COL19A1: variants seen among roughly 807,000 people sequenced by gnomAD.
COL19A1 encodes the protein collagen alpha-1(XIX) chain.
A neutral mutation model predicts 190.2 loss-of-function variants in COL19A1; 159 were observed. The ratio of observed to expected loss-of-function variants is 0.84; its 90% CI spans 0.73 to 0.95. The LOEUF is 0.95. Among genes scored for constraint, COL19A1 ranks in the 40% least tolerant of loss-of-function variants. The pLI, the probability that COL19A1 is intolerant of heterozygous loss-of-function variation, is 0.00. For synonymous variants in COL19A1, 509 were observed against 458.9 expected (o/e 1.11, Z -1.39); for missense variants, 1,418 against 1,431.9 (o/e 0.99, Z 0.16).
intron 11 of COL19A1, among the ~76,000 whole-genome samples, chr6:70,001,794 G>T (rs1318183759): frequency 6.6e-6 from 1 of 152,026 alleles, no homozygotes; most frequent in South Asian, 2.1e-4. Flanking sequence ...TTCTAAATAT[G>T]AAATCATGTC....
chr6:70,052,227 G>A (rs1780247266), intron 14 of COL19A1, among the ~76,000 whole-genome samples: 2 of 152,046 alleles, frequency 1.3e-5, no homozygotes, highest in Non-Finnish European at 1.5e-5. Flanking sequence ...CCATGTCAAG[G>A]AATAAGAATA....
chr6:70,144,137 T>A, intron 23 of COL19A1, 73 bp from the exon 24 acceptor site: 1 of 1,314,738 alleles, frequency 7.6e-7, no homozygotes, highest in East Asian at 2.3e-5. Flanking sequence ...TTGACAGAGA[T>A]TCACAGATAT....
chr6:70,185,830 T>C (rs1235868695), intron 46 of COL19A1, among the ~76,000 whole-genome samples: 1 of 152,186 alleles, frequency 6.6e-6, no homozygotes, highest in Non-Finnish European at 1.5e-5. Flanking sequence ...CGCTAACTTT[T>C]ATTTATCATT....
chr6:69,885,391 T>C (rs1010028198), intron 2 of COL19A1, among the ~76,000 whole-genome samples: 37 of 152,238 alleles, frequency 2.4e-4, no homozygotes, highest in Non-Finnish European at 5.1e-4. Context: ...ATTTGAGGTC[T>C]ATAGCATATT....
intron 1 of COL19A1, among the ~76,000 whole-genome samples, chr6:69,869,940 T>G (rs1229407693): frequency 2.6e-5 from 4 of 152,206 alleles, no homozygotes; most frequent in Non-Finnish European, 5.9e-5. Flanking sequence ...GTACAAACAT[T>G]AGGAACTAGG....
intron 13 of COL19A1, among the ~76,000 whole-genome samples, chr6:70,034,973 G>T (rs1040451593): frequency 1.3e-5 from 2 of 152,200 alleles, no homozygotes; most frequent in Admixed American, 1.3e-4. Context: ...AGCCACTTCA[G>T]TGTTCCCTTA....
intron 11 of COL19A1, among the ~76,000 whole-genome samples, chr6:70,006,500 A>T (rs1777635233): frequency 6.6e-6 from 1 of 152,102 alleles, no homozygotes; most frequent in Non-Finnish European, 1.5e-5. Flanking sequence ...GAGAATCTGG[A>T]TACCTTGGTT....
chr6:70,207,009 C>T (rs1767914458), intron 50 of COL19A1, 31 bp downstream of exon 50: 1 of 1,608,940 alleles, frequency 6.2e-7, no homozygotes, highest in Admixed American at 1.7e-5. Flanking sequence ...ACAACACAAG[C>T]AAGCCTTTAC....
chr6:69,910,771 A>C (rs1770859275), intron 4 of COL19A1, among the ~76,000 whole-genome samples: 1 of 152,154 alleles, frequency 6.6e-6, no homozygotes, highest in African/African-American at 2.4e-5. Flanking sequence ...GGTTGTGTGA[A>C]TGTATCTGTG....
intron 14 of COL19A1, among the ~76,000 whole-genome samples, chr6:70,040,616 C>T (rs955143213): frequency 7.2e-5 from 11 of 152,020 alleles, no homozygotes; most frequent in Admixed American, 4.6e-4. Flanking sequence ...CCTTTGATAA[C>T]GTTTGAATCC....
At chr6:69,986,172 G>A (rs1670116952) in intron 11 of COL19A1, among the ~76,000 whole-genome samples, 1 of 149,408 alleles carries the variant, frequency 6.7e-6, no homozygotes, top group Non-Finnish European at 1.5e-5. Flanking sequence ...ATAGAAAAGT[G>A]TCAATTAAAA....
At chr6:69,881,908 A>G (rs573419053) in intron 2 of COL19A1, among the ~76,000 whole-genome samples, 1 of 152,310 alleles carries the variant, frequency 6.6e-6, no homozygotes, top group South Asian at 2.1e-4. Context: ...CATGGCCTGG[A>G]AGGAGACCCT....
intron 16 of COL19A1, among the ~76,000 whole-genome samples, chr6:70,121,170 GT>G (rs937730380): frequency 4.4e-4 from 67 of 152,132 alleles, no homozygotes; most frequent in African/African-American, 1.5e-3. Flanking sequence ...TAATCTTTGT[GT>G]TTTTTTATGG....
chr6:70,208,827 A>C lies in COL19A1; in HGVS notation c.*1553A>C, dbSNP rs1242142012. 2 of 152,618 alleles carry C rather than the reference A, an allele frequency of 1.3e-5. No individual in the cohort carries two copies. Among genetic ancestry groups the C allele is most frequent in the African/African-American group, 4.8e-5 (2 of 41,452 alleles). The allele number at this position is 152,618 out of a possible 1,614,324, so 9.5% of individuals were successfully genotyped here. ...AGAGTTGTGTCTGAGGAATGTGCCT[A>C]ATTTAAGGCAGGGTTTGTTCCAATG... is the stretch of plus-strand genomic sequence containing the variant. On this transcript the variant is annotated 3_prime_UTR_variant, in exon 51 of 51. Transcript: ENST00000620364.
chr6:70,150,833 A>G (rs3806040), intron 30 of COL19A1, among the ~76,000 whole-genome samples: 26,110 of 152,104 alleles, frequency 0.17, 2,882 homozygotes, highest in African/African-American at 0.29. Flanking sequence ...CAAAAATGTT[A>G]CTTGGGTTTA....
At position 70,209,387 on chromosome 6, in the gene COL19A1, CT is replaced by C. The variant is rs1217529400; in HGVS notation, c.*2119del. On this transcript the variant is annotated 3_prime_UTR_variant, in exon 51 of 51. Transcript: ENST00000620364. Reference sequence around the variant, plus strand: ...TTTATCATTTTAATGTTTTCATGGACTTTTTTGCTGATGGTAATCAACTTTT... The same window carrying C: ...TTTATCATTTTAATGTTTTCATGGACTTTTTGCTGATGGTAATCAACTTTT... 6.6e-6 allele frequency: 1 copy of C among 151,982 alleles called. No homozygotes were observed. The highest frequency in any genetic ancestry group is 1.5e-5 in the Non-Finnish European group (1 of 67,964). 9.4% of individuals were successfully genotyped at this position (151,982 alleles called of 1,614,324 possible). A position where few individuals can be genotyped will look rare whatever the true frequency, so the allele number is the denominator to read the frequency against.
chr6:70,005,327 A>AT (rs111715667), intron 11 of COL19A1, among the ~76,000 whole-genome samples: 8 of 151,626 alleles, frequency 5.3e-5, no homozygotes, highest in South Asian at 4.2e-4. Flanking sequence ...CTTTGGATGG[A>AT]TTTTTTTTAG....
chr6:70,157,107 A>C (rs929248108), intron 34 of COL19A1, among the ~76,000 whole-genome samples: 43 of 152,122 alleles, frequency 2.8e-4, no homozygotes, highest in African/African-American at 1.0e-3. Flanking sequence ...CCTAGCAGTA[A>C]GGGCAGCTCA....
chr6:70,129,608 A>ACGGAGG (rs1785401906), intron 17 of COL19A1, among the ~76,000 whole-genome samples: 1 of 152,244 alleles, frequency 6.6e-6, no homozygotes, highest in Non-Finnish European at 1.5e-5. Context: ...CCCAGCTCTT[A>ACGGAGG]CGGAGGCAGA....
Sources: gnomAD v4.1 joint callset for allele counts (sites outside exome capture counted in the v4.1 genomes callset) on GRCh38, gnomAD v4.1.1 for gene constraint, MANE v1.5 for transcripts, NCBI Gene and HGNC (gene_info 2026-07-23, HGNC 2026-07-21) for gene names.